PLS3: variants seen among roughly 807,000 people sequenced by gnomAD.
The protein encoded by PLS3 is plastin-3.
Under a neutral mutation model 46.5 loss-of-function variants are expected in PLS3, and 11 were observed. That is an observed-to-expected ratio of 0.24 (90% CI 0.15 to 0.39). The LOEUF (loss-of-function observed/expected upper bound fraction) is 0.39. Ranked by LOEUF, PLS3 falls within the 10% of genes least tolerant of loss-of-function variation. The pLI, the probability that PLS3 is intolerant of heterozygous loss-of-function variation, is 1.00. For synonymous variants in PLS3, 167 were observed against 162.2 expected, an observed-to-expected ratio of 1.03 and a Z score of -0.22; for missense variants, 308 against 461.8, an observed-to-expected ratio of 0.67 and a Z score of 3.05.
intron 1 of PLS3, among the ~76,000 whole-genome samples, chrX:115,579,279 G>T (rs1334194039): frequency 8.9e-6 from 1 of 111,761 alleles, no homozygotes; most frequent in African/African-American, 3.3e-5. Context: ...AGTATTCCAT[G>T]GTGTGTATGT....
At position 115,646,138 on chromosome X, in the gene PLS3, T is replaced by A. The variant is rs782332724; in HGVS notation, c.1329T>A (p.Ser443Arg). 1 of 1,190,816 alleles carries A rather than the reference T, an allele frequency of 8.4e-7. No individual in the cohort carries two copies. The highest frequency in any genetic ancestry group is 2.2e-5 in the Admixed American group (1 of 45,647). ...YERIKVPVDWSKVNKPPYPKL... is the reference protein window; with the variant it reads ...YERIKVPVDWRKVNKPPYPKL... ...GAATTAAAGTTCCTGTTGACTGGAG[T>A]AAGGTTAATAAACCTCCATACCCGA... The change falls in exon 12 of 16, where the codon AGT becomes AGA. Residue 443 changes from serine (S) to arginine (R), a missense_variant. Physicochemically the swap from Ser to Arg is moderately radical, Grantham distance 110 (BLOSUM62 -1). Coordinates refer to ENST00000355899, the MANE Select transcript of PLS3 (RefSeq NM_005032.7).
chrX:115,640,039 T>C, intron 8 of PLS3: 1 of 797,108 alleles, frequency 1.3e-6, no homozygotes, highest in Non-Finnish European at 1.8e-6. Context: ...AACCTGTTTA[T>C]TTTCTCTTTC....
At chrX:115,624,317 C>T (rs1556638182) in intron 3 of PLS3, 1 of 109,060 alleles carries the variant, frequency 9.2e-6, no homozygotes, top group Non-Finnish European at 1.9e-5. Context: ...TACTGATTTC[C>T]TCCCACCATT....
intron 8 of PLS3, among the ~76,000 whole-genome samples, chrX:115,638,967 G>A (rs2074867797): frequency 9.0e-6 from 1 of 110,925 alleles, no homozygotes; most frequent in Non-Finnish European, 1.9e-5. Flanking sequence ...GCCTACCTCG[G>A]CCTCCCAAAG....
intron 1 of PLS3, among the ~76,000 whole-genome samples, chrX:115,607,730 T>C (rs1473365414): frequency 9.0e-6 from 1 of 111,714 alleles, no homozygotes; most frequent in Non-Finnish European, 1.9e-5. Flanking sequence ...CTCGAACTCC[T>C]GACCTCAAGC....
Position 115,649,614 on chromosome X carries a change from C to T in PLS3, c.*53C>T. Reference sequence around the variant, plus strand: ...GCTCCCAGGTGCATGATTCGCAGGTCAGCTATTTCCAGGTGAAGTGCTTAT... The same window carrying T: ...GCTCCCAGGTGCATGATTCGCAGGTTAGCTATTTCCAGGTGAAGTGCTTAT... On this transcript the variant is annotated 3_prime_UTR_variant, in exon 16 of 16. Coordinates refer to ENST00000355899, the MANE Select transcript of PLS3 (RefSeq NM_005032.7). 1 of 1,104,140 alleles carries T rather than the reference C, an allele frequency of 9.1e-7. No homozygotes were observed. The highest frequency in any genetic ancestry group is 2.3e-5 in the Admixed American group (1 of 42,944). The allele number at this position is 1,104,140 out of a possible 1,213,427, so 91.0% of individuals were successfully genotyped here.
At chrX:115,562,401 C>A (rs2074144476) in intron 1 of PLS3, 1 of 111,832 alleles carries the variant, frequency 8.9e-6, no homozygotes, top group Non-Finnish European at 1.9e-5. Context: ...CCTTGCCTCT[C>A]ACCTGAGCTG....
intron 1 of PLS3, among the ~76,000 whole-genome samples, chrX:115,585,202 T>C (rs782197347): frequency 9.0e-6 from 1 of 111,037 alleles, no homozygotes; most frequent in African/African-American, 3.3e-5. Flanking sequence ...CTGAGCCCCT[T>C]GAGGATATGA....
chrX:115,582,082 A>G (rs1159378907), intron 1 of PLS3, among the ~76,000 whole-genome samples: 1 of 112,184 alleles, frequency 8.9e-6, no homozygotes, highest in Non-Finnish European at 1.9e-5. Context: ...TTCACATATA[A>G]TTTATCTGTA....
chrX:115,626,066 G>A (rs2074707367), intron 3 of PLS3, among the ~76,000 whole-genome samples: 1 of 111,307 alleles, frequency 9.0e-6, no homozygotes, highest in Admixed American at 9.6e-5. Flanking sequence ...GTATCACAAC[G>A]GGCAGCTTTG....
chrX:115,632,883 C>T (rs1254526672), intron 5 of PLS3, among the ~76,000 whole-genome samples: 2 of 109,849 alleles, frequency 1.8e-5, no homozygotes, highest in Non-Finnish European at 3.8e-5. Flanking sequence ...AAGCATGCGC[C>T]ACTATGCCTA....
chrX:115,585,853 A>G (rs1198639045), intron 1 of PLS3, among the ~76,000 whole-genome samples: 1 of 111,664 alleles, frequency 9.0e-6, no homozygotes, highest in Admixed American at 9.6e-5. Flanking sequence ...ACCGATAAAT[A>G]CTATAGTATA....
intron 2 of PLS3, among the ~76,000 whole-genome samples, chrX:115,620,706 C>CTTTTTTTTTTTTTT (rs1176959674): frequency 3.1e-4 from 17 of 54,729 alleles, no homozygotes; most frequent in East Asian, 5.8e-4. Flanking sequence ...TTTTTCTTTT[C>CTTTTTTTTTTTTTT]TTTTTTTTTT....
At position 115,603,259 on chromosome X, in the gene PLS3, T is replaced by C. The variant is rs782306071; in HGVS notation, c.-8-6984T>C. ...GGTGACGCCCTGAATTCATACCCAA[T>C]TGTACACTATATCCTTTTATGAAAA... On this transcript the variant is annotated intron_variant, in intron 1 of 15. Transcript: ENST00000355899. 2.1e-4 allele frequency among the ~76,000 whole-genome samples: 23 copies of C among 111,492 alleles called. No homozygotes were observed. In the South Asian group the frequency reaches 2.7e-3, roughly 13 times the overall value.
At chrX:115,567,916 T>G (rs1465817507) in intron 1 of PLS3, among the ~76,000 whole-genome samples, 6 of 110,879 alleles carry the variant, frequency 5.4e-5, no homozygotes, top group Admixed American at 9.7e-5. Flanking sequence ...AAATAAAATT[T>G]GTTAGGGCCG....
At chrX:115,640,043 CTCTT>C (rs1335914129) in intron 8 of PLS3, 35 of 818,224 alleles carry the variant, frequency 4.3e-5, no homozygotes, top group Non-Finnish European at 5.8e-5. Flanking sequence ...TGTTTATTTT[CTCTT>C]TCTTCTATGC....
chrX:115,599,166 C>A (rs987611730), intron 1 of PLS3, among the ~76,000 whole-genome samples: 17 of 109,015 alleles, frequency 1.6e-4, no homozygotes, highest in Non-Finnish European at 3.2e-4. Flanking sequence ...CTTCTCTCTG[C>A]AAAGCAATGT....
intron 1 of PLS3, among the ~76,000 whole-genome samples, chrX:115,575,136 C>T (rs1177830775): frequency 8.9e-6 from 1 of 111,772 alleles, no homozygotes; most frequent in Non-Finnish European, 1.9e-5. Flanking sequence ...TTTCACTTAG[C>T]CTAACATTTT....
Position 115,649,525 on chromosome X carries a change from T to C in PLS3, c.1857T>C (p.Phe619=). 4 of 1,209,462 alleles carry C rather than the reference T, an allele frequency of 3.3e-6. No homozygotes were observed. The South Asian group carries it at 7.1e-5, about 21-fold the overall frequency. Residue 619 remains phenylalanine (F), a synonymous_variant, in exon 16 of 16, where the codon TTT becomes TTC. Transcript: ENST00000355899. ...AGCCCAAGATGGTCATGACTGTGTT[T>C]GCATGTTTGATGGGCAGGGGAATGA... ...EVKPKMVMTV[F]ACLMGRGMKR...
Sources: allele counts gnomAD v4.1 joint callset (sites outside exome capture counted in the v4.1 genomes callset), GRCh38; gene constraint gnomAD v4.1.1; transcripts MANE v1.5; gene names NCBI Gene and HGNC (gene_info 2026-07-23, HGNC 2026-07-21).